Variants in PEX11G observed in about 807,000 individuals in gnomAD.
The protein encoded by PEX11G is peroxisomal biogenesis factor 11 gamma.
Under a neutral mutation model 22.5 loss-of-function variants are expected in PEX11G, and 20 were observed. The observed-to-expected ratio is 0.89, with a 90% CI of 0.62 to 1.29. PEX11G has a LOEUF of 1.29. Ranked by LOEUF, PEX11G falls within the 50% of genes most tolerant of loss-of-function variation. The pLI is 0.00. For missense variants in PEX11G, 347 were observed against 331.3 expected (o/e 1.05, Z -0.37); for synonymous variants, 141 against 154.5 (o/e 0.91, Z 0.65).
At chr19:7,489,125 C>G (rs538206379), upstream of PEX11G, 168 of 1,278,594 alleles carry the variant, frequency 1.3e-4, no homozygotes, top group Non-Finnish European at 1.6e-4. Flanking sequence ...AGGCCTTTGT[C>G]CCCCTGACCG....
In PEX11G at chr19:7,488,952, A is replaced by T; in HGVS notation, c.59T>A (p.Leu20Gln). 6.4e-7 allele frequency: 1 copy of T among 1,553,002 alleles called. No individual in the cohort carries two copies. The highest frequency in any genetic ancestry group is 1.4e-5 in the African/African-American group (1 of 73,050). Reference protein sequence around the residue: ...ALESYRGRDRLIRVLGYCCQL... With the variant: ...ALESYRGRDRQIRVLGYCCQL... ...GGCCCCGGTCCGCCCCTGCCTCACC[A>T]GGCGGTCCCGGCCCCTGTACGACTC... Residue 20 changes from leucine to glutamine, a missense_variant and splice_region_variant, in exon 1 of 5, where the codon CTG (leucine) becomes CAG (glutamine). Transcript: ENST00000221480.
rs757397600 is a variant in PEX11G at position 7,477,375 on chromosome 19, G to A, written c.553C>T (p.Leu185Phe). Residue 185 changes from leucine (L) to phenylalanine (F), a missense_variant, in exon 5 of 5, where the codon CTT becomes TTT. By Grantham distance (22) the Leu-to-Phe change is conservative (BLOSUM62 0). Transcript: ENST00000221480. ...EAQMQSEALS[L>F]LSNLADLANA... ...GCCAGGTCGGCCAGGTTGCTGAGAA[G>A]TGACAGCGCCTCCGACTGCATCTGC... 9.6e-6 allele frequency: 15 copies of A among 1,557,834 alleles called. No individual in the cohort carries two copies. The Admixed American group carries it at 2.5e-4, about 26-fold the overall frequency.
intron 2 of PEX11G, among the ~76,000 whole-genome samples, chr19:7,483,476 A>G (rs372983352): frequency 7.9e-5 from 12 of 152,076 alleles, no homozygotes; most frequent in South Asian, 4.1e-4. Context: ...GGAACCCAAC[A>G]AACAGGGCTC....
At position 7,478,354 on chromosome 19, in the gene PEX11G, G is replaced by C; in HGVS notation, c.451C>G (p.Leu151Val). Residue 151 changes from leucine to valine, a missense_variant, in exon 4 of 5, where the codon CTG becomes GTG. Transcript: ENST00000221480. ...VARSLWMLLK[L>V]RQRLRSPTAP... ...GTGGGGCTCCGCAGCCTCTGTCTCAGTTTCAGCAGCATCCACAGGGACCTG... is the reference window on the plus strand; with the variant it reads ...GTGGGGCTCCGCAGCCTCTGTCTCACTTTCAGCAGCATCCACAGGGACCTG... 3 of 1,611,286 alleles carry C rather than the reference G, an allele frequency of 1.9e-6. No individual in the cohort carries two copies. Among genetic ancestry groups the C allele is most frequent in the Non-Finnish European group, 2.5e-6 (3 of 1,179,484 alleles).
At chr19:7,487,047 AAAAAAG>A (rs912749135) in intron 1 of PEX11G, among the ~76,000 whole-genome samples, 4 of 151,492 alleles carry the variant, frequency 2.6e-5, no homozygotes, top group African/African-American at 9.7e-5. Flanking sequence ...ACCCTGTCTA[AAAAAAG>A]AAAAAGAAAA....
rs1355928953 is a variant in PEX11G at position 7,482,022 on chromosome 19, A to C, written c.428+11T>G. 30 of 1,582,360 alleles carry C rather than the reference A, an allele frequency of 1.9e-5. No individual in the cohort carries two copies. Among genetic ancestry groups the C allele is most frequent in the Non-Finnish European group, 2.5e-5 (29 of 1,165,782 alleles). On this transcript the variant is annotated intron_variant, in intron 3 of 4. Transcript: ENST00000221480. ...GACCTTGGGTGCTCCCTTCTGGCCC[A>C]TGCCACTTACCTGGCAACCCCCAGG...
chr19:7,485,021 G>A (rs2021572345), intron 2 of PEX11G, among the ~76,000 whole-genome samples: 1 of 152,116 alleles, frequency 6.6e-6, no homozygotes, highest in Non-Finnish European at 1.5e-5. Context: ...AACGCCCATG[G>A]TGGCTCACGC....
chr19:7,494,710 T>C (rs932809147), intron 1 of PEX11G, among the ~76,000 whole-genome samples: 2 of 152,326 alleles, frequency 1.3e-5, no homozygotes, highest in African/African-American at 4.8e-5. Context: ...TGCTAGGAGC[T>C]GGCCTGGCAG....
At position 7,482,653 on chromosome 19, in the gene PEX11G, G is replaced by A. The variant is rs374980966; in HGVS notation, c.250-442C>T. Among the ~76,000 whole-genome samples the A allele has an allele frequency of 1.8e-4, 28 of 152,314 alleles. 1 individual carries two copies. Among genetic ancestry groups the A allele is most frequent in the African/African-American group, 6.7e-4 (28 of 41,576 alleles). On this transcript the variant is annotated intron_variant, in intron 2 of 4. Coordinates refer to ENST00000221480, the MANE Select transcript of PEX11G (RefSeq NM_080662.4). ...GGCTTCCAGTTCCTGCACAGGTGGG[G>A]ACCTCTGTTGCCAGACTCTATGCAG...
At chr19:7,487,108 C>T (rs887074941) in intron 1 of PEX11G, among the ~76,000 whole-genome samples, 1 of 151,786 alleles carries the variant, frequency 6.6e-6, no homozygotes, top group African/African-American at 2.4e-5. Context: ...GGAGGTGGGA[C>T]AAATGAAGAA....
chr19:7,491,609 C>T (rs902618752), upstream of PEX11G, among the ~76,000 whole-genome samples: 1 of 151,636 alleles, frequency 6.6e-6, no homozygotes, highest in Non-Finnish European at 1.5e-5. Flanking sequence ...CAATATGTGA[C>T]CATTTGTGTC....
At position 7,477,341 on chromosome 19, in the gene PEX11G, A is replaced by C; in HGVS notation, c.587T>G (p.Val196Gly). 1 of 1,560,208 alleles carries C rather than the reference A, an allele frequency of 6.4e-7. No individual in the cohort carries two copies. ...LSNLADLANAVHWLPRGVLWA... is the reference protein window; with the variant it reads ...LSNLADLANAGHWLPRGVLWA... ...CAGCACGCCCCGGGGCAGCCAGTGC[A>C]CGGCGTTGGCCAGGTCGGCCAGGTT... Residue 196 changes from valine (V) to glycine (G), a missense_variant, in exon 5 of 5, where the codon GTG becomes GGG. Val to Gly is a moderately radical substitution (Grantham distance 109). Coordinates refer to ENST00000221480, the MANE Select transcript of PEX11G (RefSeq NM_080662.4).
chr19:7,492,477 T>C (rs761233655), upstream of PEX11G, among the ~76,000 whole-genome samples: 1 of 152,012 alleles, frequency 6.6e-6, no homozygotes, highest in Admixed American at 6.6e-5. Context: ...AGAGTGTCAC[T>C]CTATTGCCTA....
chr19:7,483,301 C>T (rs1429961513), intron 2 of PEX11G: 2 of 152,250 alleles, frequency 1.3e-5, no homozygotes, highest in African/African-American at 2.4e-5. Flanking sequence ...CTTCCCTCAT[C>T]TGCCTGGCGC....
Position 7,477,332 on chromosome 19 carries a change from A to G in PEX11G, c.596T>C (p.Leu199Pro). 1.3e-6 allele frequency: 2 copies of G among 1,560,764 alleles called. No individual in the cohort carries two copies. Among genetic ancestry groups the G allele is most frequent in the Non-Finnish European group, 8.7e-7 (1 of 1,154,452 alleles). Residue 199 changes from leucine (L) to proline (P), a missense_variant, in exon 5 of 5, where the codon CTG becomes CCG. Physicochemically the swap from Leu to Pro is moderately conservative, Grantham distance 98. Transcript: ENST00000221480. ...GCCGGCCCACAGCACGCCCCGGGGCAGCCAGTGCACGGCGTTGGCCAGGTC... is the reference window on the plus strand; with the variant it reads ...GCCGGCCCACAGCACGCCCCGGGGCGGCCAGTGCACGGCGTTGGCCAGGTC... ...LADLANAVHW[L>P]PRGVLWAGRF...
Position 7,477,218 on chromosome 19 carries a change from TCGGCCTGGCCGC to T in PEX11G, c.698_709del (p.Gly233_Ala236del). On this transcript the variant is annotated inframe_deletion, in exon 5 of 5. Transcript: ENST00000221480. The stretch of plus-strand genomic sequence containing the variant: ...CCGGCAGTGTCAGGGGGTAGTGGCC[TCGGCCTGGCCGC>T]CGGCCCGGGCCGCCTGGTACATGCT... The T allele has an allele frequency of 6.6e-7, 1 of 1,516,128 alleles. No individual in the cohort carries two copies. Among genetic ancestry groups the T allele is most frequent in the South Asian group, 1.3e-5 (1 of 76,396 alleles). The allele number at this position is 1,516,128 out of a possible 1,614,324, so 93.9% of individuals were successfully genotyped here.
chr19:7,488,694 G>C (rs1247573570), intron 1 of PEX11G, among the ~76,000 whole-genome samples: 1 of 152,212 alleles, frequency 6.6e-6, no homozygotes, highest in Non-Finnish European at 1.5e-5. Context: ...CCAGCTACTC[G>C]GGAGTGCTGA....
chr19:7,494,415 A>G (rs941571601), intron 1 of PEX11G, among the ~76,000 whole-genome samples: 2 of 152,208 alleles, frequency 1.3e-5, no homozygotes, highest in Non-Finnish European at 2.9e-5. Context: ...AAAAAAATCC[A>G]AAGCCAAGGT....
upstream of PEX11G, among the ~76,000 whole-genome samples, chr19:7,489,761 T>TAAAGGTACA (rs2021833804): frequency 6.6e-6 from 1 of 152,076 alleles, no homozygotes; most frequent in Non-Finnish European, 1.5e-5. Flanking sequence ...AAGCAGGACC[T>TAAAGGTACA]AAAGGTACAA....
Sources: gnomAD v4.1 joint callset for allele counts (sites outside exome capture counted in the v4.1 genomes callset) on GRCh38, gnomAD v4.1.1 for gene constraint, MANE v1.5 for transcripts, NCBI Gene and HGNC (gene_info 2026-07-23, HGNC 2026-07-21) for gene names.